The following THAP6 variants were observed in gnomAD, a reference collection of about 807,000 sequenced individuals.
THAP6 encodes the protein THAP domain containing 6, also known as THAP domain-containing protein 6.
THAP6 carries 13 observed loss-of-function variants against 20.0 expected under a neutral mutation model. The ratio of observed to expected loss-of-function variants is 0.65; its 90% confidence interval spans 0.42 to 1.03. THAP6 has a LOEUF of 1.03. Ranked by LOEUF, THAP6 falls within the 50% of genes least tolerant of loss-of-function variation. The pLI is 0.00. For synonymous variants in THAP6, 93 were observed against 92.2 expected, an observed-to-expected ratio of 1.01 and a Z score of -0.05; for missense variants, 262 against 261.6, an observed-to-expected ratio of 1.00 and a Z score of -0.01.
At chr4:75,539,096 A>G (rs1726940888) in intron 2 of THAP6, among the ~76,000 whole-genome samples, 1 of 152,228 alleles carries the variant, frequency 6.6e-6, no homozygotes, top group Non-Finnish European at 1.5e-5. Context: ...ACATGCTAGT[A>G]TGAAGTTCCA....
chr4:75,530,585 G>C (rs149789142), downstream of THAP6, among the ~76,000 whole-genome samples: 211 of 152,262 alleles, frequency 1.4e-3, 1 homozygote, highest in Middle Eastern at 6.8e-3. Flanking sequence ...ATTTTCCATA[G>C]AATGTCTGTC....
At chr4:75,535,479 C>A (rs964228639) in intron 2 of THAP6, among the ~76,000 whole-genome samples, 1 of 152,170 alleles carries the variant, frequency 6.6e-6, no homozygotes, top group African/African-American at 2.4e-5. Flanking sequence ...CAGAGTTCAT[C>A]ATCTTTTTGA....
chr4:75,524,762 T>G (rs1268467821), intron 4 of THAP6, among the ~76,000 whole-genome samples: 1 of 152,172 alleles, frequency 6.6e-6, no homozygotes, highest in Non-Finnish European at 1.5e-5. Flanking sequence ...ATTTTTTATT[T>G]ATTTATTTTT....
intron 2 of THAP6, among the ~76,000 whole-genome samples, chr4:75,540,976 CA>C (rs1726986357): frequency 6.6e-6 from 1 of 152,098 alleles, no homozygotes; most frequent in Non-Finnish European, 1.5e-5. Context: ...ATCATCTGGA[CA>C]TATTTTGTTG....
chr4:75,529,799 A>C lies in THAP6; in HGVS notation c.*2585A>C. 1.0e-6 allele frequency: 1 copy of C among 985,434 alleles called. No individual in the cohort carries two copies. The highest frequency in any genetic ancestry group is 1.2e-6 in the Non-Finnish European group (1 of 829,934). The allele number at this position is 985,434 out of a possible 1,614,324, so 61.0% of individuals were successfully genotyped here. Reference sequence around the variant, plus strand: ...CAACCTCAGCACCAAGTCAGGTACGAAGCGCTTGATACGTGGAATTTTTCT... The same window carrying C: ...CAACCTCAGCACCAAGTCAGGTACGCAGCGCTTGATACGTGGAATTTTTCT... On this transcript the variant is annotated 3_prime_UTR_variant, in exon 5 of 5. Transcript: ENST00000311638.
intron 3 of THAP6, chr4:75,544,772 G>C (rs1727088607): frequency 6.6e-6 from 1 of 151,848 alleles, no homozygotes; most frequent in South Asian, 2.1e-4. Flanking sequence ...TGTCTCTAAA[G>C]TCTCTTTTAA....
chr4:75,545,128 A>G (rs1436437912), intron 3 of THAP6, among the ~76,000 whole-genome samples: 1 of 152,206 alleles, frequency 6.6e-6, no homozygotes, highest in Non-Finnish European at 1.5e-5. Flanking sequence ...TAGAACAGTG[A>G]TGCTTAGGAT....
At position 75,520,387 on chromosome 4, in the gene THAP6, A is replaced by G. The variant is rs149523955; in HGVS notation, c.289-1349A>G. Among the ~76,000 whole-genome samples, 210 of 152,316 alleles carry G rather than the reference A, an allele frequency of 1.4e-3. 1 individual carries two copies. Among genetic ancestry groups the G allele is most frequent in the Middle Eastern group, 6.8e-3 (2 of 294 alleles). ...TGATGTGGATGTTCAGCTTGGATAC[A>G]TATTGCCATAGCTTTCCAAAGTACT... On this transcript the variant is annotated intron_variant, in intron 3 of 4. Transcript: ENST00000311638.
intron 2 of THAP6, among the ~76,000 whole-genome samples, chr4:75,515,932 TAC>T: frequency 6.6e-6 from 1 of 152,242 alleles, no homozygotes. Context: ...AAATACAAAT[TAC>T]AAGTTAAGAC....
Position 75,528,288 on chromosome 4 carries a change from A to G in THAP6, c.*1074A>G. 1.0e-6 allele frequency: 1 copy of G among 985,424 alleles called. No homozygotes were observed. Among genetic ancestry groups the G allele is most frequent in the Non-Finnish European group, 1.2e-6 (1 of 829,902 alleles). The allele number at this position is 985,424 out of a possible 1,614,324, so 61.0% of individuals were successfully genotyped here. On this transcript the variant is annotated 3_prime_UTR_variant, in exon 5 of 5. Coordinates refer to ENST00000311638, the MANE Select transcript of THAP6 (RefSeq NM_144721.6). ...AAGAATAATTCCTTGTTATTTCCTA[A>G]TTGATCCAAGTCTCATAAATTTAGC...
chr4:75,538,288 T>C (rs1477820559), intron 2 of THAP6, among the ~76,000 whole-genome samples: 1 of 151,962 alleles, frequency 6.6e-6, no homozygotes, highest in Non-Finnish European at 1.5e-5. Flanking sequence ...AACAGGAAAT[T>C]ACGTACATGA....
chr4:75,515,630 A>G (rs1725539903), intron 2 of THAP6, 98 bp downstream of exon 2: 1 of 1,127,264 alleles, frequency 8.9e-7, no homozygotes, highest in South Asian at 1.3e-5. Flanking sequence ...TTAGTTCCCG[A>G]GTCCTTTTTA....
intron 4 of THAP6, 21 bp downstream of exon 4, chr4:75,521,882 G>A: frequency 6.2e-7 from 1 of 1,612,726 alleles, no homozygotes; most frequent in Non-Finnish European, 8.5e-7. Flanking sequence ...TACTTGCTGA[G>A]CTCATGTTAA....
chr4:75,523,551 C>G (rs1262313686), intron 4 of THAP6, among the ~76,000 whole-genome samples: 1 of 152,038 alleles, frequency 6.6e-6, no homozygotes, highest in Non-Finnish European at 1.5e-5. Context: ...TGCCTGTAAT[C>G]CCAGCACTTT....
At position 75,529,391 on chromosome 4, in the gene THAP6, A is replaced by G; in HGVS notation, c.*2177A>G. On this transcript the variant is annotated 3_prime_UTR_variant, in exon 5 of 5. Transcript: ENST00000311638. ...AGTCACTTTTACTACTTGTGTTCAT[A>G]GTAGACTCAGCACTTCTTTTTCACT... 4.1e-6 allele frequency: 4 copies of G among 985,442 alleles called. No individual in the cohort carries two copies. Among genetic ancestry groups the G allele is most frequent in the South Asian group, 4.7e-5 (1 of 21,284 alleles). 61.0% of individuals were successfully genotyped at this position (985,442 alleles called of 1,614,324 possible).
At chr4:75,524,995 C>G (rs894409183) in intron 4 of THAP6, among the ~76,000 whole-genome samples, 1 of 152,094 alleles carries the variant, frequency 6.6e-6, no homozygotes, top group Non-Finnish European at 1.5e-5. Context: ...TAAGCTCAGG[C>G]GATCCCCCTG....
upstream of THAP6, chr4:75,514,176 A>G (rs1179653026): frequency 3.1e-6 from 5 of 1,597,348 alleles, no homozygotes; most frequent in East Asian, 9.0e-5. Flanking sequence ...TTGTCAGGGA[A>G]GAGTCCATAG....
intron 4 of THAP6, among the ~76,000 whole-genome samples, chr4:75,524,440 C>A (rs1726237494): frequency 6.6e-6 from 1 of 152,288 alleles, no homozygotes; most frequent in African/African-American, 2.4e-5. Context: ...CACCTGTTAT[C>A]ATTTTGCCTA....
chr4:75,531,948 T>G (rs572090786), downstream of THAP6, among the ~76,000 whole-genome samples: 1 of 152,246 alleles, frequency 6.6e-6, no homozygotes, highest in South Asian at 2.1e-4. Context: ...AGATGAGATT[T>G]GGGTGGGGAC....
Sources: allele counts gnomAD v4.1 joint callset (sites outside exome capture counted in the v4.1 genomes callset), GRCh38; gene constraint gnomAD v4.1.1; transcripts MANE v1.5; gene names NCBI Gene and HGNC (gene_info 2026-07-23, HGNC 2026-07-21).